GALNTL6: variants seen among roughly 807,000 people sequenced by gnomAD.
GALNTL6 encodes polypeptide N-acetylgalactosaminyltransferase like 6, also known as polypeptide N-acetylgalactosaminyltransferase-like 6.
In GALNTL6, 46 loss-of-function variants were observed where a neutral mutation model predicts 73.7. That is an observed-to-expected ratio of 0.62 (90% CI 0.49 to 0.80). The LOEUF (loss-of-function observed/expected upper bound fraction) is 0.80. Among genes scored for constraint, GALNTL6 ranks in the 30% least tolerant of loss-of-function variants. The pLI, the probability that GALNTL6 is intolerant of heterozygous loss-of-function variation, is 0.00. For synonymous variants in GALNTL6, 259 were observed against 263.7 expected, an observed-to-expected ratio of 0.98 and a Z score of 0.17; for missense variants, 604 against 755.0, an observed-to-expected ratio of 0.80 and a Z score of 2.34.
At chr4:172,126,213 T>TTTATAG (rs1733289512) in intron 2 of GALNTL6, among the ~76,000 whole-genome samples, 1 of 152,186 alleles carries the variant, frequency 6.6e-6, no homozygotes, top group African/African-American at 2.4e-5. Flanking sequence ...AAGAAGTCAA[T>TTTATAG]AACAAATGTA....
intron 2 of GALNTL6, among the ~76,000 whole-genome samples, chr4:172,155,071 C>A (rs1244148251): frequency 6.6e-6 from 1 of 151,012 alleles, no homozygotes; most frequent in Admixed American, 6.6e-5. Flanking sequence ...AATCTTGGCT[C>A]ACTGCAACCT....
At chr4:171,963,303 G>C (rs544679477) in intron 2 of GALNTL6, among the ~76,000 whole-genome samples, 4 of 152,122 alleles carry the variant, frequency 2.6e-5, no homozygotes, top group Admixed American at 2.6e-4. Flanking sequence ...TTTCTGATCT[G>C]TATATTTTTC....
rs746294536 is a variant in GALNTL6, at chr4:172,931,198, G to A, written c.1079G>A (p.Cys360Tyr). Residue 360 changes from cysteine to tyrosine, a missense_variant, in exon 9 of 13, where the codon TGT becomes TAT. Transcript: ENST00000506823. ...GGAGGAGAAATGTTTGATGTTCCAT[G>A]TTCTAGAGTTGGTCATATCTACAGG... The part of the protein sequence containing the change: ...MCGGEMFDVP[C>Y]SRVGHIYRKY... The A allele has an allele frequency of 6.2e-7, 1 of 1,612,328 alleles. No homozygotes were observed. The highest frequency in any genetic ancestry group is 8.5e-7 in the Non-Finnish European group (1 of 1,178,392).
At chr4:172,400,265 C>G (rs574025876) in intron 5 of GALNTL6, among the ~76,000 whole-genome samples, 3 of 152,218 alleles carry the variant, frequency 2.0e-5, no homozygotes, top group East Asian at 3.9e-4. Context: ...TTCTCTGGCA[C>G]TTACCTATTA....
At chr4:172,759,483 AT>A (rs1242947215) in intron 5 of GALNTL6, among the ~76,000 whole-genome samples, 1 of 152,236 alleles carries the variant, frequency 6.6e-6, no homozygotes, top group Non-Finnish European at 1.5e-5. Context: ...GCAATCATAT[AT>A]GTCATACCAC....
intron 3 of GALNTL6, among the ~76,000 whole-genome samples, chr4:172,252,810 T>C (rs1432704593): frequency 2.0e-5 from 3 of 151,896 alleles, no homozygotes; most frequent in Admixed American, 6.6e-5. Context: ...AAGTCCTTGG[T>C]ACCTTACGTT....
intron 4 of GALNTL6, 24 bp downstream of exon 4, chr4:172,311,776 C>A: frequency 6.7e-7 from 1 of 1,495,020 alleles, no homozygotes; most frequent in Non-Finnish European, 9.0e-7. Context: ...TATCAGTGAT[C>A]AGGGTGGGTT....
Position 172,631,118 on chromosome 4 carries a change from G to GT in GALNTL6, c.554-178234dup, listed in dbSNP as rs1175418754. Among the ~76,000 whole-genome samples, 817 of 149,934 alleles carry GT rather than the reference G, an allele frequency of 5.4e-3. 7 individuals are homozygous for GT. The highest frequency in any genetic ancestry group is 0.018 in the African/African-American group (738 of 40,902). On this transcript the variant is annotated intron_variant, in intron 5 of 12. Transcript: ENST00000506823. ...ACTGATTGCAACAAAACACAGGGTT[G>GT]TTTTTTTTTAACTTTTTTGAATATG...
At chr4:171,905,049 T>C (rs1291960494) in intron 2 of GALNTL6, among the ~76,000 whole-genome samples, 11 of 152,072 alleles carry the variant, frequency 7.2e-5, no homozygotes, top group African/African-American at 2.7e-4. Context: ...CATGCCAAAA[T>C]GTAAAGACCA....
intron 5 of GALNTL6, among the ~76,000 whole-genome samples, chr4:172,412,941 C>T (rs938131599): frequency 6.6e-6 from 1 of 152,154 alleles, no homozygotes; most frequent in Admixed American, 6.6e-5. Flanking sequence ...TATTACAGCT[C>T]CAGAAATAGA....
chr4:172,138,687 G>A (rs1231071313), intron 2 of GALNTL6, among the ~76,000 whole-genome samples: 1 of 148,496 alleles, frequency 6.7e-6, no homozygotes, highest in African/African-American at 2.5e-5. Context: ...CTGCCACCAC[G>A]CCCGGCTAAT....
intron 5 of GALNTL6, among the ~76,000 whole-genome samples, chr4:172,758,131 A>G (rs886299423): frequency 6.6e-6 from 1 of 152,260 alleles, no homozygotes; most frequent in Admixed American, 6.5e-5. Flanking sequence ...CCACCTATGT[A>G]CACATAAACA....
chr4:172,758,052 T>C (rs1737850361), intron 5 of GALNTL6, among the ~76,000 whole-genome samples: 1 of 152,258 alleles, frequency 6.6e-6, no homozygotes, highest in South Asian at 2.1e-4. Context: ...GTTTTTTCCC[T>C]CTCTCTCAAG....
At chr4:172,502,465 A>G (rs1156625718) in intron 5 of GALNTL6, among the ~76,000 whole-genome samples, 1 of 130,672 alleles carries the variant, frequency 7.7e-6, no homozygotes, top group Non-Finnish European at 1.6e-5. Context: ...CATTCAACTC[A>G]TAGATGTGAG....
At chr4:173,037,386 A>G (rs1287481523) in intron 12 of GALNTL6, among the ~76,000 whole-genome samples, 1 of 152,208 alleles carries the variant, frequency 6.6e-6, no homozygotes, top group African/African-American at 2.4e-5. Context: ...AAGGGAATCC[A>G]ATTTTTCAAC....
intron 5 of GALNTL6, among the ~76,000 whole-genome samples, chr4:172,723,790 G>A (rs201511432): frequency 2.8e-4 from 3 of 10,588 alleles, no homozygotes; most frequent in African/African-American, 4.6e-4. Context: ...TTCACTTTAG[G>A]TATCAAAGAG....
chr4:172,580,188 A>G (rs1246365871), intron 5 of GALNTL6, among the ~76,000 whole-genome samples: 1 of 152,200 alleles, frequency 6.6e-6, no homozygotes, highest in Non-Finnish European at 1.5e-5. Context: ...AAACAAGCCA[A>G]CATGAGGAAA....
At chr4:172,774,347 C>G (rs1738948556) in intron 5 of GALNTL6, among the ~76,000 whole-genome samples, 1 of 152,148 alleles carries the variant, frequency 6.6e-6, no homozygotes, top group African/African-American at 2.4e-5. Context: ...AATACTATCC[C>G]TTTGATTGGG....
chr4:171,982,577 CA>C, intron 2 of GALNTL6, among the ~76,000 whole-genome samples: 1 of 152,254 alleles, frequency 6.6e-6, no homozygotes, highest in South Asian at 2.1e-4. Context: ...GGATTACAAG[CA>C]TGAGCCACCG....
Sources: gnomAD v4.1 joint callset for allele counts (sites outside exome capture counted in the v4.1 genomes callset) on GRCh38, gnomAD v4.1.1 for gene constraint, MANE v1.5 for transcripts, NCBI Gene and HGNC (gene_info 2026-07-23, HGNC 2026-07-21) for gene names.